The following NEGR1 variants were observed in gnomAD, a reference collection of about 807,000 sequenced individuals.
NEGR1 encodes the protein neuronal growth regulator 1.
In NEGR1, 10 loss-of-function variants were observed where a neutral mutation model predicts 40.9. The observed-to-expected ratio is 0.24, with a 90% CI of 0.15 to 0.42. NEGR1 has a LOEUF of 0.42. Ranked by LOEUF, NEGR1 falls within the 10% of genes least tolerant of loss-of-function variation. The pLI is 1.00. For synonymous variants in NEGR1, 185 were observed against 166.8 expected, an observed-to-expected ratio of 1.11 and a Z score of -0.84; for missense variants, 352 against 438.9, an observed-to-expected ratio of 0.80 and a Z score of 1.77.
chr1:72,065,239 T>C (rs780047455), intron 1 of NEGR1, among the ~76,000 whole-genome samples: 6 of 152,106 alleles, frequency 3.9e-5, no homozygotes, highest in Non-Finnish European at 8.8e-5. Context: ...AAGGATAAAT[T>C]ACAAGATGTT....
At chr1:71,655,947 T>A (rs1396573632) in intron 4 of NEGR1, among the ~76,000 whole-genome samples, 2 of 152,192 alleles carry the variant, frequency 1.3e-5, no homozygotes, top group Non-Finnish European at 2.9e-5. Context: ...ATTAGCCAGA[T>A]TCACATTATT....
intron 4 of NEGR1, among the ~76,000 whole-genome samples, chr1:71,643,098 C>A (rs1378188884): frequency 1.3e-5 from 2 of 151,984 alleles, no homozygotes. Context: ...GCACACAGGT[C>A]AGCCTGATGA....
intron 1 of NEGR1, among the ~76,000 whole-genome samples, chr1:72,161,854 G>C (rs1475141144): frequency 6.6e-6 from 1 of 150,518 alleles, no homozygotes; most frequent in South Asian, 2.1e-4. Flanking sequence ...TTTTTGTTTT[G>C]TTTTGTTTTG....
intron 3 of NEGR1, among the ~76,000 whole-genome samples, chr1:71,707,618 T>C (rs1653945418): frequency 1.3e-5 from 2 of 152,258 alleles, no homozygotes; most frequent in South Asian, 2.1e-4. Flanking sequence ...GCTTTTCTGC[T>C]TGCTGACTAT....
At chr1:71,956,986 G>A (rs1350196216) in intron 1 of NEGR1, among the ~76,000 whole-genome samples, 1 of 152,068 alleles carries the variant, frequency 6.6e-6, no homozygotes, top group Middle Eastern at 3.2e-3. Context: ...GCATATAAAT[G>A]AATTAAAATG....
At position 71,406,190 on chromosome 1, in the gene NEGR1, T is replaced by C. The variant is rs1399877972; in HGVS notation, c.*1256A>G. The C allele has an allele frequency of 6.6e-6, 1 of 151,912 alleles. No homozygotes were observed. The highest frequency in any genetic ancestry group is 1.5e-5 in the Non-Finnish European group (1 of 67,868). The allele number at this position is 151,912 out of a possible 1,614,324, so 9.4% of individuals were successfully genotyped here. ...AGATTTTATTGAAGAATTAGCTATT[T>C]TAGAGATTGGTCTGCTACATACCGA... On this transcript the variant is annotated 3_prime_UTR_variant, in exon 7 of 7. Coordinates refer to ENST00000357731, the MANE Select transcript of NEGR1 (RefSeq NM_173808.3).
chr1:71,703,901 G>A (rs1038335130), intron 3 of NEGR1, among the ~76,000 whole-genome samples: 1 of 151,882 alleles, frequency 6.6e-6, no homozygotes, highest in Non-Finnish European at 1.5e-5. Flanking sequence ...AGGTTGAATG[G>A]TTTCTGAATT....
chr1:71,933,652 T>G (rs557987583), intron 2 of NEGR1, among the ~76,000 whole-genome samples: 1 of 152,050 alleles, frequency 6.6e-6, no homozygotes, highest in Non-Finnish European at 1.5e-5. Context: ...CCCTCTGGAG[T>G]CCCTGAATAA....
chr1:71,840,347 G>C (rs1659194843), intron 2 of NEGR1, among the ~76,000 whole-genome samples: 1 of 151,758 alleles, frequency 6.6e-6, no homozygotes, highest in Non-Finnish European at 1.5e-5. Flanking sequence ...ATTTGTATGT[G>C]TTCCAAAGTT....
At chr1:71,705,740 A>C (rs1017384958) in intron 3 of NEGR1, among the ~76,000 whole-genome samples, 1 of 151,936 alleles carries the variant, frequency 6.6e-6, no homozygotes, top group Non-Finnish European at 1.5e-5. Context: ...AGAAAAGAAA[A>C]GAAAGAAAAG....
intron 6 of NEGR1, among the ~76,000 whole-genome samples, chr1:71,590,490 CT>C (rs1176254320): frequency 6.6e-6 from 1 of 151,986 alleles, no homozygotes; most frequent in Admixed American, 6.6e-5. Context: ...CCTACTCACC[CT>C]TTTCTTTCCA....
At chr1:71,914,370 T>G (rs1180431943) in intron 2 of NEGR1, among the ~76,000 whole-genome samples, 1 of 152,244 alleles carries the variant, frequency 6.6e-6, no homozygotes, top group Non-Finnish European at 1.5e-5. Context: ...TTTTGGATTT[T>G]TTCCCACATT....
At chr1:71,467,702 A>G (rs1391869842) in intron 6 of NEGR1, among the ~76,000 whole-genome samples, 1 of 107,058 alleles carries the variant, frequency 9.3e-6, no homozygotes, top group Non-Finnish European at 2.0e-5. Context: ...CTTTTATAAA[A>G]TATTCTTCTA....
At chr1:71,792,321 G>A (rs1657146820) in intron 2 of NEGR1, among the ~76,000 whole-genome samples, 1 of 152,064 alleles carries the variant, frequency 6.6e-6, no homozygotes, top group Non-Finnish European at 1.5e-5. Context: ...GCAAATTTTT[G>A]TGAGTTTGCA....
chr1:71,808,775 A>G (rs532145221), intron 2 of NEGR1, among the ~76,000 whole-genome samples: 2 of 152,150 alleles, frequency 1.3e-5, no homozygotes, highest in East Asian at 3.9e-4. Flanking sequence ...ATTTTTTTTC[A>G]CAGTGGTAGA....
At chr1:72,078,028 C>A (rs1190147582) in intron 1 of NEGR1, among the ~76,000 whole-genome samples, 3 of 152,104 alleles carry the variant, frequency 2.0e-5, no homozygotes, top group East Asian at 1.9e-4. Flanking sequence ...TGAAAAGATG[C>A]ATATTCTTTG....
intron 1 of NEGR1, among the ~76,000 whole-genome samples, chr1:72,259,935 G>A (rs2100543819): frequency 6.6e-6 from 1 of 151,998 alleles, no homozygotes; most frequent in South Asian, 2.1e-4. Context: ...ATTTTTATCA[G>A]ATGATTTTTG....
At chr1:71,899,587 C>T (rs1239736670) in intron 2 of NEGR1, among the ~76,000 whole-genome samples, 1 of 152,168 alleles carries the variant, frequency 6.6e-6, no homozygotes, top group East Asian at 1.9e-4. Context: ...TTTCCAGTAT[C>T]TGCGTATAAC....
At chr1:71,749,588 T>G (rs1222383823) in intron 3 of NEGR1, among the ~76,000 whole-genome samples, 1 of 152,190 alleles carries the variant, frequency 6.6e-6, no homozygotes, top group African/African-American at 2.4e-5. Context: ...TTCATTTGCT[T>G]GTGTGTTTTT....
Sources: gnomAD v4.1 joint callset for allele counts (sites outside exome capture counted in the v4.1 genomes callset) on GRCh38, gnomAD v4.1.1 for gene constraint, MANE v1.5 for transcripts, NCBI Gene and HGNC (gene_info 2026-07-23, HGNC 2026-07-21) for gene names.